TMPRSS11B: variants seen among roughly 807,000 people sequenced by gnomAD.
TMPRSS11B encodes the protein transmembrane serine protease 11B, also known as transmembrane protease serine 11B.
TMPRSS11B carries 53 observed loss-of-function variants against 44.7 expected under a neutral mutation model. That is an observed-to-expected ratio of 1.19 (90% CI 0.95 to 1.49). TMPRSS11B has a LOEUF of 1.49. Ranked by LOEUF, TMPRSS11B falls within the 40% of genes most tolerant of loss-of-function variation. The pLI is 0.00. For synonymous variants in TMPRSS11B, 140 were observed against 159.2 expected, an observed-to-expected ratio of 0.88 and a Z score of 0.91; for missense variants, 526 against 494.8, an observed-to-expected ratio of 1.06 and a Z score of -0.60.
At position 68,228,786 on chromosome 4, in the gene TMPRSS11B, T is replaced by C. The variant is rs374890990; in HGVS notation, c.1045A>G (p.Met349Val). The change falls in exon 9 of 10, where the codon ATG (methionine) becomes GTG (valine). Residue 349 changes from methionine (M) to valine (V), a missense_variant. Coordinates refer to ENST00000332644, the MANE Select transcript of TMPRSS11B (RefSeq NM_182502.3). ...CCTGACATAAATCCAGCACATAACA[T>C]TGTATCAGTCACAAAGCCAGAGTAT... ...YAYSGFVTDT[M>V]LCAGFMSGEA... The C allele has an allele frequency of 6.2e-7, 1 of 1,613,708 alleles. No individual in the cohort carries two copies. The highest frequency in any genetic ancestry group is 1.3e-5 in the African/African-American group (1 of 74,896).
intron 3 of TMPRSS11B, 33 bp downstream of exon 3, chr4:68,236,118 T>C (rs1018607843): frequency 1.9e-6 from 3 of 1,558,798 alleles, no homozygotes; most frequent in African/African-American, 2.8e-5. Flanking sequence ...ATCAAATTTA[T>C]AATAAAATTA....
intron 7 of TMPRSS11B, 146 bp from the exon 8 acceptor site, chr4:68,229,662 A>C (rs1029213668): frequency 4.4e-6 from 3 of 683,086 alleles, no homozygotes; most frequent in Non-Finnish European, 7.0e-6. Flanking sequence ...TATCTTTGAC[A>C]TGGAGCTGTT....
intron 9 of TMPRSS11B, among the ~76,000 whole-genome samples, 195 bp downstream of exon 9, chr4:68,228,547 G>A (rs7434397): frequency 0.69 from 104,780 of 152,140 alleles, 38,073 homozygotes; most frequent in East Asian, 0.99. Context: ...CTTCGTGAGG[G>A]CAGGATTGTG....
At chr4:68,236,566 A>G (rs1382973244) in intron 2 of TMPRSS11B, among the ~76,000 whole-genome samples, 1 of 152,154 alleles carries the variant, frequency 6.6e-6, no homozygotes, top group Non-Finnish European at 1.5e-5. Flanking sequence ...GCAACTCCAT[A>G]TCATTCATTC....
At chr4:68,241,551 C>A in intron 2 of TMPRSS11B, 138 bp downstream of exon 2, 1 of 601,002 alleles carries the variant, frequency 1.7e-6, no homozygotes, top group Non-Finnish European at 2.9e-6. Context: ...ATTTCTGTGT[C>A]ATAATAAACT....
At chr4:68,228,922 G>C (rs374888855) in intron 8 of TMPRSS11B, 38 bp from the exon 9 acceptor site, 96 of 1,591,092 alleles carry the variant, frequency 6.0e-5, no homozygotes, top group Non-Finnish European at 7.6e-5. Context: ...GCAGATCTTA[G>C]ACTTTGCTGG....
intron 5 of TMPRSS11B, among the ~76,000 whole-genome samples, chr4:68,233,358 G>T (rs1451403469): frequency 2.0e-5 from 3 of 152,156 alleles, no homozygotes; most frequent in Admixed American, 6.5e-5. Flanking sequence ...TAATTGTCTG[G>T]CTGGAAGAAC....
intron 1 of TMPRSS11B, 30 bp downstream of exon 1, chr4:68,245,521 A>C (rs765319069): frequency 1.9e-6 from 3 of 1,612,972 alleles, no homozygotes; most frequent in Middle Eastern, 1.7e-4. Flanking sequence ...CATTTTGCCA[A>C]CTTGCTCTCC....
At chr4:68,231,435 A>C in intron 6 of TMPRSS11B, 55 bp from the exon 7 acceptor site, 4 of 1,457,592 alleles carry the variant, frequency 2.7e-6, no homozygotes, top group Non-Finnish European at 3.7e-6. Context: ...CGCATTATAA[A>C]AAAATATATC....
At chr4:68,242,315 TTATATATATA>T (rs1719869153) in intron 1 of TMPRSS11B, among the ~76,000 whole-genome samples, 1 of 74,582 alleles carries the variant, frequency 1.3e-5, no homozygotes, top group Non-Finnish European at 2.3e-5. Context: ...ATATATAATA[TTATATATATA>T]ATATTATATT....
At position 68,229,507 on chromosome 4, in the gene TMPRSS11B, A is replaced by C; in HGVS notation, c.696T>G (p.Asn232Lys). The change falls in exon 8 of 10, where the codon AAT (asparagine) becomes AAG (lysine). Residue 232 changes from asparagine to lysine, a missense_variant. Physicochemically the swap from Asn to Lys is moderately conservative, Grantham distance 94 (BLOSUM62 0). Coordinates refer to ENST00000332644, the MANE Select transcript of TMPRSS11B (RefSeq NM_182502.3). ...CAAAGTTGACAGTCCAATCTTTTGAATTATTTTTCCTAGAGGACACAATGT... is the reference window on the plus strand; with the variant it reads ...CAAAGTTGACAGTCCAATCTTTTGACTTATTTTTCCTAGAGGACACAATGT... ...SAAHCFAKKN[N>K]SKDWTVNFGI... The C allele has an allele frequency of 6.2e-7, 1 of 1,611,894 alleles. No individual in the cohort carries two copies. The highest frequency in any genetic ancestry group is 8.5e-7 in the Non-Finnish European group (1 of 1,178,644).
At chr4:68,235,873 T>C (rs1719648258) in intron 4 of TMPRSS11B, 129 bp downstream of exon 4, 1 of 511,914 alleles carries the variant, frequency 2.0e-6, no homozygotes, top group South Asian at 5.5e-5. Flanking sequence ...CCTTCCTTTC[T>C]TTCTTTCCTT....
chr4:68,229,172 A>G, intron 8 of TMPRSS11B, 85 bp downstream of exon 8: 4 of 1,316,868 alleles, frequency 3.0e-6, no homozygotes, highest in Non-Finnish European at 4.1e-6. Flanking sequence ...GATTAATTGC[A>G]TGAGGGGATG....
At position 68,227,955 on chromosome 4, in the gene TMPRSS11B, C is replaced by T; in HGVS notation, c.1207G>A (p.Val403Met). The change falls in exon 10 of 10, where the codon GTG becomes ATG. Residue 403 changes from valine to methionine, a missense_variant. Val to Met is a conservative substitution (Grantham distance 21). Transcript: ENST00000332644. ...KKNKPGVYTR[V>M]TSYRNWITSK... ...GTAATCCAATTGCGATAAGAAGTCA[C>T]TCGAGTATAGACACCTGGCTTATTC... 2 of 1,613,234 alleles carry T rather than the reference C, an allele frequency of 1.2e-6. No homozygotes were observed. The highest frequency in any genetic ancestry group is 1.1e-5 in the South Asian group (1 of 90,914).
At chr4:68,236,915 CATTATTATTATTATTATT>C (rs10582916) in intron 2 of TMPRSS11B, among the ~76,000 whole-genome samples, 8 of 143,098 alleles carry the variant, frequency 5.6e-5, no homozygotes, top group East Asian at 4.1e-4. Context: ...ACCATGGTGC[CATTATTATTATTATTATT>C]ATTATTATTA....
In TMPRSS11B at chr4:68,229,176, G is replaced by A. The variant is rs185704942; in HGVS notation, c.946+81C>T. 6.9e-5 allele frequency: 90 copies of A among 1,310,782 alleles called. No individual in the cohort carries two copies. In the East Asian group the frequency reaches 1.8e-3, roughly 27 times the overall value. The allele number at this position is 1,310,782 out of a possible 1,614,324, so 81.2% of individuals were successfully genotyped here. A position where few individuals can be genotyped will look rare whatever the true frequency, so the allele number is the denominator to read the frequency against. ...ATTTACTGATTGATTAATTGCATGA[G>A]GGGATGATTGATTGATTGATTGATT... On this transcript the variant is annotated intron_variant, in intron 8 of 9. Transcript: ENST00000332644.
In TMPRSS11B at chr4:68,236,082, A is replaced by G. The variant is rs371949018; in HGVS notation, c.241-13T>C. On this transcript the variant is annotated splice_polypyrimidine_tract_variant and intron_variant, in intron 3 of 9. Coordinates refer to ENST00000332644, the MANE Select transcript of TMPRSS11B (RefSeq NM_182502.3). Reference sequence around the variant, plus strand: ...ATGCATTTAACATCTGACAAGAGAAAAAAAACAGTCATCATGTATGTTTCA... The same window carrying G: ...ATGCATTTAACATCTGACAAGAGAAGAAAAACAGTCATCATGTATGTTTCA... The G allele has an allele frequency of 8.8e-5, 139 of 1,585,560 alleles. No individual in the cohort carries two copies. The South Asian group carries it at 1.4e-3, about 16-fold the overall frequency.
intron 6 of TMPRSS11B, 191 bp downstream of exon 6, chr4:68,232,187 T>A (rs1000570496): frequency 4.0e-5 from 15 of 373,022 alleles, no homozygotes; most frequent in East Asian, 3.5e-4. Context: ...ATATATTTTT[T>A]AATAAATGTT....
Position 68,231,307 on chromosome 4 carries a change from C to A in TMPRSS11B, c.582G>T (p.Gly194=), listed in dbSNP as rs757210999. The A allele has an allele frequency of 6.2e-7, 1 of 1,613,948 alleles. No homozygotes were observed. Residue 194 remains glycine (G), a synonymous_variant, in exon 7 of 10, where the codon GGG becomes GGT. Transcript: ENST00000332644. The part of the protein sequence containing the change: ...KIVNGKSSLE[G]AWPWQASMQW... ...GCATGCTGGCCTGCCATGGCCATGC[C>A]CCCTCCAGGGAGCTTTTTCCATTCA... is the stretch of plus-strand genomic sequence containing the variant.
Sources: gnomAD v4.1 joint callset for allele counts (sites outside exome capture counted in the v4.1 genomes callset) on GRCh38, gnomAD v4.1.1 for gene constraint, MANE v1.5 for transcripts, NCBI Gene and HGNC (gene_info 2026-07-23, HGNC 2026-07-21) for gene names.